MITF: variants seen among roughly 807,000 people sequenced by gnomAD.
MITF encodes microphthalmia-associated transcription factor.
In MITF, 17 loss-of-function variants were observed where a neutral mutation model predicts 60.5. The ratio of observed to expected loss-of-function variants is 0.28; its 90% confidence interval spans 0.19 to 0.42. The LOEUF is 0.42. Among genes scored for constraint, MITF ranks in the 10% least tolerant of loss-of-function variants. The pLI is 1.00. For synonymous variants in MITF, 260 were observed against 248.5 expected (o/e 1.05, Z -0.43); for missense variants, 622 against 683.5 (o/e 0.91, Z 1.00).
intron 1 of MITF, among the ~76,000 whole-genome samples, chr3:69,766,487 A>C (rs1429393247): frequency 1.3e-5 from 2 of 148,658 alleles, no homozygotes; most frequent in Non-Finnish European, 3.0e-5. Context: ...TCGGCCTCCC[A>C]AAGTGTTGGG....
intron 1 of MITF, among the ~76,000 whole-genome samples, chr3:69,861,349 C>A (rs954363307): frequency 6.6e-6 from 1 of 152,132 alleles, no homozygotes; most frequent in Non-Finnish European, 1.5e-5. Context: ...GTACAAGGAA[C>A]CTGCCCTTAA....
At chr3:69,797,798 C>A (rs1199343217) in intron 1 of MITF, among the ~76,000 whole-genome samples, 3 of 152,152 alleles carry the variant, frequency 2.0e-5, no homozygotes, top group African/African-American at 7.2e-5. Context: ...TTATCTTTAT[C>A]TTTTTGCAGT....
intron 2 of MITF, among the ~76,000 whole-genome samples, chr3:69,906,725 G>A (rs184917445): frequency 1.3e-5 from 2 of 152,218 alleles, no homozygotes; most frequent in Non-Finnish European, 2.9e-5. Context: ...TTAAACCCTG[G>A]TAGATTCTGA....
At position 69,966,234 on chromosome 3, in the gene MITF, A is replaced by G. The variant is rs2066687653; in HGVS notation, c.*986A>G. ...TTTGTATTAATTTGTAAGAATATGC[A>G]TCTTAAAATGGCAAGTTTTCCATAT... On this transcript the variant is annotated 3_prime_UTR_variant, in exon 10 of 10. Coordinates refer to ENST00000352241, the MANE Select transcript of MITF (RefSeq NM_001354604.2). The G allele has an allele frequency of 4.3e-6, 1 of 232,734 alleles. No individual in the cohort carries two copies. The highest frequency in any genetic ancestry group is 5.6e-5 in the Admixed American group (1 of 17,778). 14.4% of individuals were successfully genotyped at this position (232,734 alleles called of 1,614,324 possible).
intron 1 of MITF, among the ~76,000 whole-genome samples, chr3:69,768,592 G>C (rs1460309528): frequency 6.6e-6 from 1 of 152,198 alleles, no homozygotes; most frequent in Non-Finnish European, 1.5e-5. Context: ...CATTCTATCT[G>C]TGTTCCAGGT....
At chr3:69,911,242 G>A (rs2065218720) in intron 2 of MITF, among the ~76,000 whole-genome samples, 2 of 152,144 alleles carry the variant, frequency 1.3e-5, no homozygotes, top group Non-Finnish European at 2.9e-5. Context: ...CCGGCCGTGT[G>A]GAACTGTAAG....
At chr3:69,855,331 C>T (rs2063899254) in intron 1 of MITF, among the ~76,000 whole-genome samples, 1 of 145,588 alleles carries the variant, frequency 6.9e-6, no homozygotes, top group African/African-American at 2.5e-5. Context: ...GTTTAAAAAT[C>T]TATAATAATA....
At chr3:69,822,388 A>G (rs1449593650) in intron 1 of MITF, among the ~76,000 whole-genome samples, 10 of 152,214 alleles carry the variant, frequency 6.6e-5, no homozygotes, top group Admixed American at 5.9e-4. Flanking sequence ...ATATGTAATC[A>G]GATAAAAAGT....
intron 7 of MITF, 76 bp downstream of exon 7, chr3:69,951,962 T>C: frequency 8.9e-7 from 1 of 1,124,350 alleles, no homozygotes. Flanking sequence ...CCAGAAATTC[T>C]GTAGAGGAGA....
At chr3:69,945,662 A>T (rs761174845) in intron 5 of MITF, among the ~76,000 whole-genome samples, 1 of 152,184 alleles carries the variant, frequency 6.6e-6, no homozygotes, top group Non-Finnish European at 1.5e-5. Context: ...TTTAGGACAC[A>T]GTTTCTCAAA....
chr3:69,755,910 G>C (rs928448350), intron 1 of MITF, among the ~76,000 whole-genome samples: 6 of 152,168 alleles, frequency 3.9e-5, no homozygotes, highest in African/African-American at 1.4e-4. Context: ...GCCTACTGCT[G>C]TTTTGTGCTA....
At chr3:69,824,097 A>G (rs923965931) in intron 1 of MITF, among the ~76,000 whole-genome samples, 2 of 152,226 alleles carry the variant, frequency 1.3e-5, no homozygotes, top group East Asian at 1.9e-4. Flanking sequence ...CAGAAGACTG[A>G]TATTGTCAAT....
Position 69,788,381 on chromosome 3 carries a change from C to T in MITF, c.104+48680C>T, listed in dbSNP as rs540499035. On this transcript the variant is annotated intron_variant, in intron 1 of 9. Coordinates refer to ENST00000352241, the MANE Select transcript of MITF (RefSeq NM_001354604.2). ...ATTCCCACCTATGAGTGAGAACATG[C>T]GGTGTTTGGTTTTTTGTCCTTGTGA... Among the ~76,000 whole-genome samples, 221 of 148,248 alleles carry T rather than the reference C, an allele frequency of 1.5e-3. 1 individual carries two copies. Among genetic ancestry groups the T allele is most frequent in the Non-Finnish European group, 2.7e-3 (180 of 67,418 alleles).
intron 2 of MITF, among the ~76,000 whole-genome samples, chr3:69,904,306 C>G (rs1226780886): frequency 6.6e-6 from 1 of 152,116 alleles, no homozygotes; most frequent in African/African-American, 2.4e-5. Context: ...AACAGCCTTA[C>G]CATTTAACCG....
chr3:69,914,122 T>C (rs578042869), intron 2 of MITF, among the ~76,000 whole-genome samples: 159 of 152,256 alleles, frequency 1.0e-3, no homozygotes, highest in African/African-American at 3.7e-3. Context: ...ATGGAACTTT[T>C]TTGTTTGTTT....
chr3:69,903,172 G>A lies in MITF; in HGVS notation c.354+23789G>A, dbSNP rs2065029693. On this transcript the variant is annotated intron_variant, in intron 2 of 9. Transcript: ENST00000352241. ...TATGATGTGGATTGAGTTTGTAATT[G>A]AGAATAGTGATTTTCAAATTAGCTA... Among the ~76,000 whole-genome samples the A allele has an allele frequency of 2.0e-5, 3 of 152,276 alleles. No individual in the cohort carries two copies. The South Asian group carries it at 6.2e-4, about 32-fold the overall frequency.
intron 1 of MITF, among the ~76,000 whole-genome samples, chr3:69,769,968 T>G (rs1683407539): frequency 6.6e-6 from 1 of 152,232 alleles, no homozygotes; most frequent in African/African-American, 2.4e-5. Context: ...TCAATTCAAC[T>G]GGGCATTCTG....
chr3:69,762,952 T>C (rs2062232619), intron 1 of MITF, among the ~76,000 whole-genome samples: 1 of 152,208 alleles, frequency 6.6e-6, no homozygotes, highest in Non-Finnish European at 1.5e-5. Flanking sequence ...CTCTGCTCTT[T>C]ACCTTGCCAG....
At chr3:69,838,478 T>C (rs541664335) in intron 1 of MITF, 1 of 152,654 alleles carries the variant, frequency 6.6e-6, no homozygotes, top group Non-Finnish European at 1.5e-5. Flanking sequence ...TTGCAGAAGT[T>C]CTTTAATAAA....
Sources: allele counts gnomAD v4.1 joint callset (sites outside exome capture counted in the v4.1 genomes callset), GRCh38; gene constraint gnomAD v4.1.1; transcripts MANE v1.5; gene names NCBI Gene and HGNC (gene_info 2026-07-23, HGNC 2026-07-21).